SHROOM2: variants seen among roughly 807,000 people sequenced by gnomAD.
SHROOM2 encodes the protein protein Shroom2.
In SHROOM2, 33 loss-of-function variants were observed where a neutral mutation model predicts 75.9. The observed-to-expected ratio is 0.43, with a 90% CI of 0.33 to 0.58. The LOEUF is 0.58. SHROOM2 is among the 20% of genes least tolerant of loss of function. The pLI, the probability that SHROOM2 is intolerant of heterozygous loss-of-function variation, is 0.04. For missense variants in SHROOM2, 1,434 were observed against 1,461.2 expected, an observed-to-expected ratio of 0.98 and a Z score of 0.30; for synonymous variants, 655 against 663.6, an observed-to-expected ratio of 0.99 and a Z score of 0.20.
chrX:9,830,138 T>C (rs1439192933), intron 1 of SHROOM2, among the ~76,000 whole-genome samples: 3 of 111,339 alleles, frequency 2.7e-5, no homozygotes, highest in African/African-American at 9.8e-5. Flanking sequence ...ATCTTGATCT[T>C]GGACTTCCCA....
intron 1 of SHROOM2, among the ~76,000 whole-genome samples, chrX:9,788,905 C>A (rs1291113409): frequency 2.7e-5 from 3 of 110,761 alleles, no homozygotes; most frequent in African/African-American, 9.9e-5. Context: ...CAAATGTCCT[C>A]TGGGGGCAAA....
intron 1 of SHROOM2, among the ~76,000 whole-genome samples, chrX:9,827,454 C>T (rs1317076170): frequency 1.8e-5 from 2 of 108,851 alleles, no homozygotes; most frequent in African/African-American, 6.7e-5. Flanking sequence ...TCATGGTGAA[C>T]ATTGAGTCCC....
intron 2 of SHROOM2, among the ~76,000 whole-genome samples, chrX:9,879,642 C>A (rs1258467761): frequency 8.9e-6 from 1 of 112,632 alleles, no homozygotes; most frequent in Non-Finnish European, 1.9e-5. Flanking sequence ...GGGAAAGTTA[C>A]TTCTATTGGG....
Position 9,895,028 on chromosome X carries a change from C to G in SHROOM2, c.1120C>G (p.His374Asp). ...CACCGATCGGCCTTGGAGGTCAGCA[C>G]ACCCGGGGAGCCTCGGGAAGGGATC... ...ELTDRPWRSA[H>D]PGSLGKGSGG... Residue 374 changes from histidine (H) to aspartate (D), a missense_variant, in exon 4 of 10, where the codon CAC (histidine) becomes GAC (aspartate). By Grantham distance (81) the His-to-Asp change is moderately conservative. This residue lies in a region of SHROOM2 where 1,340 missense variants were observed against 1,338.3 expected (regional missense o/e 1.00). Coordinates refer to ENST00000380913, the MANE Select transcript of SHROOM2 (RefSeq NM_001649.4). 1 of 1,208,554 alleles carries G rather than the reference C, an allele frequency of 8.3e-7. No individual in the cohort carries two copies. The highest frequency in any genetic ancestry group is 1.7e-5 in the African/African-American group (1 of 57,896).
chrX:9,791,736 T>G (rs1754785646), intron 1 of SHROOM2, among the ~76,000 whole-genome samples: 1 of 111,151 alleles, frequency 9.0e-6, no homozygotes, highest in African/African-American at 3.3e-5. Context: ...CTCACGCCTG[T>G]AATCCCAGCA....
chrX:9,852,096 G>A (rs2084044120), intron 1 of SHROOM2, among the ~76,000 whole-genome samples: 1 of 111,909 alleles, frequency 8.9e-6, no homozygotes, highest in Admixed American at 9.5e-5. Context: ...CTCGTGAAGT[G>A]GATCAAGATG....
chrX:9,810,565 G>T (rs895909096), intron 1 of SHROOM2, among the ~76,000 whole-genome samples: 1 of 110,492 alleles, frequency 9.1e-6, no homozygotes, highest in African/African-American at 3.3e-5. Flanking sequence ...TGTGTCTCCT[G>T]GTGGCAGCGT....
chrX:9,832,401 T>C (rs986485616), intron 1 of SHROOM2, among the ~76,000 whole-genome samples: 1 of 111,528 alleles, frequency 9.0e-6, no homozygotes, highest in Non-Finnish European at 1.9e-5. Context: ...ATGACTAGGT[T>C]GGTGGGGAGT....
chrX:9,933,544 G>A (rs2084671912), intron 6 of SHROOM2, among the ~76,000 whole-genome samples: 1 of 111,919 alleles, frequency 8.9e-6, no homozygotes, highest in Non-Finnish European at 1.9e-5. Context: ...TTCAAGGCAG[G>A]TGGATCGCTT....
intron 1 of SHROOM2, chrX:9,819,175 C>T: frequency 8.9e-7 from 1 of 1,123,027 alleles, no homozygotes. Context: ...TTTGGCTTGA[C>T]ATGCATATCT....
intron 1 of SHROOM2, among the ~76,000 whole-genome samples, chrX:9,803,268 T>A (rs771647742): frequency 9.0e-6 from 1 of 110,566 alleles, no homozygotes; most frequent in South Asian, 3.8e-4. Context: ...CCTCTTTACC[T>A]CCTTGCTAAA....
intron 2 of SHROOM2, among the ~76,000 whole-genome samples, chrX:9,889,916 G>T (rs1286381827): frequency 1.8e-5 from 2 of 112,735 alleles, no homozygotes; most frequent in African/African-American, 3.2e-5. Context: ...TCCAGCAAAA[G>T]ATAGGAGATG....
chrX:9,890,939 A>C, intron 2 of SHROOM2, 38 bp from the exon 3 acceptor site: 1 of 1,166,990 alleles, frequency 8.6e-7, no homozygotes, highest in Non-Finnish European at 1.1e-6. Flanking sequence ...CGCTGTGTGC[A>C]GTCCCTGACC....
At chrX:9,823,831 T>C (rs1164772648) in intron 1 of SHROOM2, among the ~76,000 whole-genome samples, 1 of 99,763 alleles carries the variant, frequency 1.0e-5, no homozygotes, top group African/African-American at 3.6e-5. Context: ...CAATCACAGC[T>C]CACTGCAACC....
At chrX:9,930,379 G>A (rs932910394) in intron 5 of SHROOM2, among the ~76,000 whole-genome samples, 8 of 109,884 alleles carry the variant, frequency 7.3e-5, no homozygotes, top group African/African-American at 2.7e-4. Context: ...GCTGGGTGTG[G>A]TGGTGCACAC....
At chrX:9,939,168 C>T in intron 7 of SHROOM2, 27 bp from the exon 8 acceptor site, 2 of 1,176,876 alleles carry the variant, frequency 1.7e-6, no homozygotes, top group Middle Eastern at 2.6e-4. Flanking sequence ...AGTCCCAGCT[C>T]ATTGAAGTTC....
chrX:9,867,934 C>T (rs1031442075), intron 1 of SHROOM2, among the ~76,000 whole-genome samples: 1 of 111,196 alleles, frequency 9.0e-6, no homozygotes, highest in Non-Finnish European at 1.9e-5. Context: ...ATCATGTTGT[C>T]CTTTGCAGTG....
rs189527796 is a variant in SHROOM2 at position 9,847,527 on chromosome X, C to T, written c.166-26125C>T. On this transcript the variant is annotated intron_variant, in intron 1 of 9. Coordinates refer to ENST00000380913, the MANE Select transcript of SHROOM2 (RefSeq NM_001649.4). Reference sequence around the variant, plus strand: ...TAGGGGGATGTCTGGATAAGTTGAACTCTAATCAGAGGGAAAAGGGGGTTG... The same window carrying T: ...TAGGGGGATGTCTGGATAAGTTGAATTCTAATCAGAGGGAAAAGGGGGTTG... Among the ~76,000 whole-genome samples, 595 of 111,957 alleles carry T rather than the reference C, an allele frequency of 5.3e-3. 2 individuals carry two copies. Among genetic ancestry groups the T allele is most frequent in the African/African-American group, 0.019 (572 of 30,815 alleles).
chrX:9,929,469 C>T (rs931382458), intron 5 of SHROOM2, among the ~76,000 whole-genome samples: 1 of 111,032 alleles, frequency 9.0e-6, no homozygotes, highest in African/African-American at 3.3e-5. Flanking sequence ...GGGAAGGAGC[C>T]TGTGGGCACC....
Sources: allele counts gnomAD v4.1 joint callset (sites outside exome capture counted in the v4.1 genomes callset), GRCh38; gene constraint gnomAD v4.1.1; regional missense constraint gnomAD v4.1.1; transcripts MANE v1.5; gene names NCBI Gene and HGNC (gene_info 2026-07-23, HGNC 2026-07-21).